CWF19L2: variants seen among roughly 807,000 people sequenced by gnomAD.
The protein encoded by CWF19L2 is CWF19-like protein 2.
CWF19L2 carries 98 observed loss-of-function variants against 111.7 expected under a neutral mutation model. The ratio of observed to expected loss-of-function variants is 0.88; its 90% CI spans 0.75 to 1.04. The LOEUF (loss-of-function observed/expected upper bound fraction) is 1.04. Ranked by LOEUF, CWF19L2 falls within the 50% of genes least tolerant of loss-of-function variation. CWF19L2 has a pLI of 0.00. For synonymous variants in CWF19L2, 351 were observed against 342.9 expected (o/e 1.02, Z -0.26); for missense variants, 1,101 against 1,051.4 (o/e 1.05, Z -0.65).
chr11:107,336,664 C>T lies in CWF19L2; in HGVS notation c.2252G>A (p.Cys751Tyr), dbSNP rs766272589. 7.5e-5 allele frequency: 118 copies of T among 1,568,260 alleles called. 1 individual carries two copies. The East Asian group carries it at 2.7e-3, about 36-fold the overall frequency. Residue 751 changes from cysteine to tyrosine, a missense_variant, in exon 15 of 18, where the codon TGC (cysteine) becomes TAC (tyrosine). Coordinates refer to ENST00000282251, the MANE Select transcript of CWF19L2 (RefSeq NM_152434.3). ...GCTCATATTAGTTTCCAAAAAAATG[C>T]AGTCTAATCCTTTATCTTCAAACAT... ...VKMFEDKGLDCIFLETNMSMK... is the reference protein window; with the variant it reads ...VKMFEDKGLDYIFLETNMSMK...
chr11:107,353,523 C>T lies in CWF19L2; in HGVS notation c.2085+1G>A, dbSNP rs1365755958. On this transcript the variant is annotated splice_donor_variant, in intron 13 of 17. Transcript: ENST00000282251. LOFTEE classifies it high-confidence loss of function. Reference sequence around the variant, plus strand: ...AGCAAAGGATAATAAATACTTCTTACCTTAACACCTATTGCAACAATAAGA... The same window carrying T: ...AGCAAAGGATAATAAATACTTCTTATCTTAACACCTATTGCAACAATAAGA... 3 of 1,609,826 alleles carry T rather than the reference C, an allele frequency of 1.9e-6. No homozygotes were observed. Among genetic ancestry groups the T allele is most frequent in the Non-Finnish European group, 2.6e-6 (3 of 1,176,466 alleles).
intron 12 of CWF19L2, among the ~76,000 whole-genome samples, chr11:107,382,969 G>A (rs562201901): frequency 7.9e-5 from 12 of 152,350 alleles, no homozygotes; most frequent in African/African-American, 2.6e-4. Flanking sequence ...AGAGTTTCTG[G>A]ATACCTGAAC....
chr11:107,446,945 C>T (rs942269022), intron 3 of CWF19L2, among the ~76,000 whole-genome samples: 2 of 152,140 alleles, frequency 1.3e-5, no homozygotes, highest in African/African-American at 4.8e-5. Context: ...TGACCTAACA[C>T]AGCCTTCAGG....
chr11:107,391,829 A>G (rs1410128515), intron 11 of CWF19L2, among the ~76,000 whole-genome samples: 1 of 152,142 alleles, frequency 6.6e-6, no homozygotes, highest in East Asian at 1.9e-4. Context: ...CTGGCTCCAG[A>G]CACTTAATTT....
At chr11:107,398,793 G>A (rs1860960255) in intron 10 of CWF19L2, among the ~76,000 whole-genome samples, 1 of 152,148 alleles carries the variant, frequency 6.6e-6, no homozygotes, top group South Asian at 2.1e-4. Flanking sequence ...AGAAGCACCA[G>A]GTAACCTATA....
chr11:107,404,058 G>A, intron 10 of CWF19L2: 2 of 770,074 alleles, frequency 2.6e-6, no homozygotes, highest in South Asian at 2.7e-5. Flanking sequence ...ATAATCATCT[G>A]GATCTTCAGC....
chr11:107,423,195 G>T (rs1196568527), intron 8 of CWF19L2, among the ~76,000 whole-genome samples: 1 of 151,828 alleles, frequency 6.6e-6, no homozygotes, highest in Non-Finnish European at 1.5e-5. Context: ...CATTTTCATT[G>T]TATTGCAAAT....
intron 12 of CWF19L2, among the ~76,000 whole-genome samples, chr11:107,362,151 C>G (rs967463364): frequency 1.3e-5 from 2 of 152,096 alleles, no homozygotes; most frequent in Non-Finnish European, 2.9e-5. Flanking sequence ...GATTATATCC[C>G]GCACCTGGCT....
Position 107,441,620 on chromosome 11 carries a change from CCT to C in CWF19L2, c.451_452del (p.Arg151GlyfsTer2), listed in dbSNP as rs777663682. The C allele has an allele frequency of 3.1e-5, 47 of 1,519,362 alleles. No individual in the cohort carries two copies. Among genetic ancestry groups the C allele is most frequent in the Non-Finnish European group, 4.0e-5 (45 of 1,136,618 alleles). The allele number at this position is 1,519,362 out of a possible 1,614,324, so 94.1% of individuals were successfully genotyped here. ...SGKDDTQIIKRDEWMTVDFMS... is the reference protein window; with the variant it reads ...SGKDDTQIIKXDEWMTVDFMS... ...TAAAATCAACAGTCATCCACTCATC[CCT>C]CTGTTAAAAAAAAAGACATAAAATC... On this transcript the variant is annotated frameshift_variant and splice_region_variant, in exon 5 of 18. Transcript: ENST00000282251. LOFTEE classifies it high-confidence loss of function.
Position 107,380,180 on chromosome 11 carries a change from G to A in CWF19L2, c.1872+9894C>T, listed in dbSNP as rs1262156778. Among the ~76,000 whole-genome samples, 3 of 151,412 alleles carry A rather than the reference G, an allele frequency of 2.0e-5. No individual in the cohort carries two copies. In the East Asian group the frequency reaches 5.8e-4, roughly 29 times the overall value. On this transcript the variant is annotated intron_variant, in intron 12 of 17. Coordinates refer to ENST00000282251, the MANE Select transcript of CWF19L2 (RefSeq NM_152434.3). ...GCAATGAATCTATTTAATAAGTGCTGCATTATTACACAAGGATTACCAACA... is the reference window on the plus strand; with the variant it reads ...GCAATGAATCTATTTAATAAGTGCTACATTATTACACAAGGATTACCAACA...
intron 4 of CWF19L2, among the ~76,000 whole-genome samples, 170 bp from the exon 5 acceptor site, chr11:107,441,792 ATACTT>A (rs1437996510): frequency 6.6e-6 from 1 of 152,224 alleles, no homozygotes; most frequent in African/African-American, 2.4e-5. Flanking sequence ...AAATCTCTCT[ATACTT>A]TAGTCTCTCC....
rs1247886311 is a variant in CWF19L2, at chr11:107,402,873, G to GTGTGTATATATATATA, written c.1618-9979_1618-9978insTATATATATATACACA. ...CGAGTGGATAAACAAACTGTGGTGT[G>GTGTGTATATATATATA]TATATATATATATATATATATATAT... On this transcript the variant is annotated intron_variant, in intron 10 of 17. Coordinates refer to ENST00000282251, the MANE Select transcript of CWF19L2 (RefSeq NM_152434.3). 2.5e-4 allele frequency among the ~76,000 whole-genome samples: 24 copies of GTGTGTATATATATATA among 94,448 alleles called. 1 individual carries two copies. Among genetic ancestry groups the GTGTGTATATATATATA allele is most frequent in the East Asian group, 1.8e-3 (6 of 3,356 alleles). 62.0% of individuals were successfully genotyped at this position (94,448 alleles called of 152,430 possible).
chr11:107,435,412 C>A (rs658584), intron 6 of CWF19L2, among the ~76,000 whole-genome samples: 40,034 of 151,890 alleles, frequency 0.26, 5,565 homozygotes, highest in African/African-American at 0.33. Context: ...AAAATTGTTT[C>A]TTCCATAAAA....
intron 12 of CWF19L2, among the ~76,000 whole-genome samples, chr11:107,362,642 G>T (rs976900739): frequency 5.3e-5 from 8 of 151,404 alleles, no homozygotes; most frequent in Non-Finnish European, 1.2e-4. Flanking sequence ...CTAACAAACA[G>T]AAAGGACATC....
chr11:107,368,147 G>A lies in CWF19L2; in HGVS notation c.1873-14411C>T, dbSNP rs1359207096. On this transcript the variant is annotated intron_variant, in intron 12 of 17. Coordinates refer to ENST00000282251, the MANE Select transcript of CWF19L2 (RefSeq NM_152434.3). ...CCCCACACAAAAATACAAAAGATCA[G>A]TAAGATAAAAAGTTGACTCTGAAAA... Among the ~76,000 whole-genome samples, 20 of 129,324 alleles carry A rather than the reference G, an allele frequency of 1.5e-4. 6 individuals carry two copies. The highest frequency in any genetic ancestry group is 6.3e-4 in the African/African-American group (20 of 31,620). 84.8% of individuals were successfully genotyped at this position (129,324 alleles called of 152,430 possible). A position where few individuals can be genotyped will look rare whatever the true frequency, so the allele number is the denominator to read the frequency against.
Position 107,428,903 on chromosome 11 carries a change from G to A in CWF19L2, c.1329C>T (p.His443=), listed in dbSNP as rs749533722. ...CTCTTGGGTCTTCTGGAACATGTTG[G>A]TGTTCATCAGTACTGGTTTCCGATG... is the stretch of plus-strand genomic sequence containing the variant. ...QKPSETSTDE[H]QHVPEDPREK... is the part of the protein sequence containing the mutation. Residue 443 remains histidine (H), a synonymous_variant, in exon 8 of 18, where the codon CAC becomes CAT. Coordinates refer to ENST00000282251, the MANE Select transcript of CWF19L2 (RefSeq NM_152434.3). The A allele has an allele frequency of 1.6e-5, 26 of 1,613,384 alleles. No individual in the cohort carries two copies. The Admixed American group carries it at 3.2e-4, about 20-fold the overall frequency.
intron 13 of CWF19L2, among the ~76,000 whole-genome samples, chr11:107,349,632 A>AG (rs1229764896): frequency 6.6e-6 from 1 of 151,848 alleles, no homozygotes; most frequent in African/African-American, 2.4e-5. Context: ...CTTAAAAAAA[A>AG]AAGGTTAATC....
At chr11:107,406,963 T>A (rs1861087451) in intron 10 of CWF19L2, among the ~76,000 whole-genome samples, 1 of 151,990 alleles carries the variant, frequency 6.6e-6, no homozygotes. Flanking sequence ...ACACACAGAT[T>A]ATTTACTATT....
chr11:107,449,918 G>C (rs687991), intron 3 of CWF19L2, among the ~76,000 whole-genome samples: 115,743 of 152,074 alleles, frequency 0.76, 44,379 homozygotes, highest in African/African-American at 0.85. Context: ...ATATACTGTC[G>C]AATATAGTAG....
Sources: gnomAD v4.1 joint callset for allele counts (sites outside exome capture counted in the v4.1 genomes callset) on GRCh38, gnomAD v4.1.1 for gene constraint, MANE v1.5 for transcripts, NCBI Gene and HGNC (gene_info 2026-07-23, HGNC 2026-07-21) for gene names.